SEC24D: variants seen among roughly 807,000 people sequenced by gnomAD.
SEC24D encodes protein transport protein Sec24D.
A neutral mutation model predicts 116.9 loss-of-function variants in SEC24D; 69 were observed. That is an observed-to-expected ratio of 0.59 (90% confidence interval 0.49 to 0.72). The LOEUF is 0.72. Among genes scored for constraint, SEC24D ranks in the 30% least tolerant of loss-of-function variants. The pLI, the probability that SEC24D is intolerant of heterozygous loss-of-function variation, is 0.00. For synonymous variants in SEC24D, 405 were observed against 442.8 expected (o/e 0.91, Z 1.07); for missense variants, 1,131 against 1,264.1 (o/e 0.89, Z 1.60).
intron 9 of SEC24D, among the ~76,000 whole-genome samples, chr4:118,765,323 C>T (rs1441859215): frequency 1.3e-5 from 2 of 152,204 alleles, no homozygotes; most frequent in Admixed American, 6.5e-5. Context: ...CTATGAACTA[C>T]AATATTTATT....
intron 19 of SEC24D, 180 bp downstream of exon 19, chr4:118,738,081 G>A (rs1732011032): frequency 2.0e-6 from 1 of 511,868 alleles, no homozygotes. Flanking sequence ...ATTTTTAAAT[G>A]TTGGCTATAA....
chr4:118,739,221 A>G lies in SEC24D; in HGVS notation c.2305T>C (p.Cys769Arg), dbSNP rs758429975. The change falls in exon 18 of 23, where the codon TGC becomes CGC. Residue 769 changes from cysteine to arginine, a missense_variant. Coordinates refer to ENST00000280551, the MANE Select transcript of SEC24D (RefSeq NM_014822.4). ...TAAAGATCAGCTAGCTGAGAGCTGCAGTTTAAGCCAAGATTGTGAATCCGA... is the reference window on the plus strand; with the variant it reads ...TAAAGATCAGCTAGCTGAGAGCTGCGGTTTAAGCCAAGATTGTGAATCCGA... ...RLRIHNLGLN[C>R]SSQLADLYKS... is the part of the protein sequence containing the mutation. The G allele has an allele frequency of 1.3e-5, 21 of 1,613,494 alleles. No homozygotes were observed. Among genetic ancestry groups the G allele is most frequent in the Non-Finnish European group, 1.6e-5 (19 of 1,179,574 alleles).
At position 118,744,957 on chromosome 4, in the gene SEC24D, G is replaced by A. The variant is rs200495446; in HGVS notation, c.1811C>T (p.Thr604Ile). Residue 604 changes from threonine (T) to isoleucine (I), a missense_variant, in exon 14 of 23, where the codon ACA becomes ATA. By Grantham distance (89) the Thr-to-Ile change is moderately conservative (BLOSUM62 -1). Coordinates refer to ENST00000280551, the MANE Select transcript of SEC24D (RefSeq NM_014822.4). ...KNRDDKKLVN[T>I]DKEKILFQPQ... is the part of the protein sequence containing the mutation. ...GTTACAAAGTACCTTCTCTTTGTCT[G>A]TATTAACCAGTTTTTTGTCATCTCT... 8 of 1,592,042 alleles carry A rather than the reference G, an allele frequency of 5.0e-6. No individual in the cohort carries two copies. The Admixed American group carries it at 6.7e-5, about 13-fold the overall frequency.
chr4:118,809,641 C>T (rs1471720809), intron 6 of SEC24D, among the ~76,000 whole-genome samples: 1 of 151,922 alleles, frequency 6.6e-6, no homozygotes, highest in East Asian at 1.9e-4. Context: ...CTCCTTCTTG[C>T]TTTTGTTGCC....
chr4:118,742,059 C>A (rs933820551), intron 15 of SEC24D, among the ~76,000 whole-genome samples: 1 of 152,006 alleles, frequency 6.6e-6, no homozygotes, highest in African/African-American at 2.4e-5. Flanking sequence ...TATAACATTT[C>A]TTTTTTAGTA....
chr4:118,760,824 C>G (rs907289861), intron 10 of SEC24D, among the ~76,000 whole-genome samples: 10 of 152,072 alleles, frequency 6.6e-5, no homozygotes, highest in South Asian at 2.1e-4. Flanking sequence ...TCTCCTGCCT[C>G]AGCATCCCAA....
Position 118,806,082 on chromosome 4 carries a change from T to C in SEC24D, c.802-128A>G. 6 of 635,842 alleles carry C rather than the reference T, an allele frequency of 9.4e-6. No individual in the cohort carries two copies. The East Asian group carries it at 1.8e-4, about 19-fold the overall frequency. The allele number at this position is 635,842 out of a possible 1,614,324, so 39.4% of individuals were successfully genotyped here. A position where few individuals can be genotyped will look rare whatever the true frequency, so the allele number is the denominator to read the frequency against. Reference sequence around the variant, plus strand: ...TTCTCAATATTCACACACACAGAGATGCACACACAGTCTCACACACTCACA... The same window carrying C: ...TTCTCAATATTCACACACACAGAGACGCACACACAGTCTCACACACTCACA... On this transcript the variant is annotated intron_variant, in intron 6 of 22. Coordinates refer to ENST00000280551, the MANE Select transcript of SEC24D (RefSeq NM_014822.4).
intron 7 of SEC24D, among the ~76,000 whole-genome samples, chr4:118,802,574 G>A (rs936624298): frequency 2.6e-5 from 4 of 152,190 alleles, no homozygotes; most frequent in African/African-American, 9.7e-5. Context: ...CAACTTTGGG[G>A]CTCCATACCA....
At position 118,739,174 on chromosome 4, in the gene SEC24D, A is replaced by C. The variant is rs773904176; in HGVS notation, c.2352T>G (p.Ala784=). Reference sequence around the variant, plus strand: ...CTGACTTGGCAAAGAAGTTGATAAGAGCATCTGTCTCACAGCTCTTATAAA... The same window carrying C: ...CTGACTTGGCAAAGAAGTTGATAAGCGCATCTGTCTCACAGCTCTTATAAA... ...ADLYKSCETD[A]LINFFAKSAF... The change falls in exon 18 of 23, where the codon GCT becomes GCG. Residue 784 remains alanine, a synonymous_variant. Coordinates refer to ENST00000280551, the MANE Select transcript of SEC24D (RefSeq NM_014822.4). 2 of 1,613,628 alleles carry C rather than the reference A, an allele frequency of 1.2e-6. No homozygotes were observed. The highest frequency in any genetic ancestry group is 1.7e-6 in the Non-Finnish European group (2 of 1,179,648).
intron 8 of SEC24D, among the ~76,000 whole-genome samples, chr4:118,792,926 T>C (rs1728996751): frequency 6.6e-6 from 1 of 152,208 alleles, no homozygotes; most frequent in Admixed American, 6.5e-5. Flanking sequence ...AAACATAATT[T>C]TGCTTTTTAT....
At chr4:118,829,660 A>G (rs1352775430) in intron 2 of SEC24D, among the ~76,000 whole-genome samples, 1 of 152,134 alleles carries the variant, frequency 6.6e-6, no homozygotes, top group African/African-American at 2.4e-5. Flanking sequence ...TAAAAATACA[A>G]AATTAGCCGG....
At chr4:118,799,836 T>G (rs1729348915) in intron 7 of SEC24D, among the ~76,000 whole-genome samples, 1 of 152,138 alleles carries the variant, frequency 6.6e-6, no homozygotes, top group Non-Finnish European at 1.5e-5. Flanking sequence ...GAATTGGCAA[T>G]AGTCCTTTTA....
intron 14 of SEC24D, 126 bp from the exon 15 acceptor site, chr4:118,744,284 T>C (rs529366550): frequency 2.1e-6 from 2 of 955,822 alleles, no homozygotes; most frequent in South Asian, 3.7e-5. Context: ...TCCCGTTAAG[T>C]GAACTGGGCT....
intron 3 of SEC24D, among the ~76,000 whole-genome samples, chr4:118,823,853 A>G (rs1309662678): frequency 6.6e-6 from 1 of 152,146 alleles, no homozygotes; most frequent in Non-Finnish European, 1.5e-5. Flanking sequence ...CCTCACTGGC[A>G]TCTGTGTGCC....
At chr4:118,725,000 C>G (rs1482592964) in intron 22 of SEC24D, among the ~76,000 whole-genome samples, 6 of 152,214 alleles carry the variant, frequency 3.9e-5, no homozygotes, top group Non-Finnish European at 7.3e-5. Context: ...CAGGGCCCTC[C>G]CTACTTTTGC....
rs763756340 is a variant in SEC24D at position 118,833,601 on chromosome 4, C to T, written c.96G>A (p.Pro32=). 2.4e-5 allele frequency: 39 copies of T among 1,613,056 alleles called. 1 individual carries two copies. The highest frequency in any genetic ancestry group is 5.3e-5 in the African/African-American group (4 of 74,898). The change falls in exon 2 of 23, where the codon CCG becomes CCA. Residue 32 remains proline (P), a synonymous_variant. Coordinates refer to ENST00000280551, the MANE Select transcript of SEC24D (RefSeq NM_014822.4). ...SPPHYGHYGD[P]SHTASPTGMM... ...TACCTGTTGGAGATGCTGTGTGCGA[C>T]GGATCCCCATAGTGCCCATAATGAG... is the stretch of plus-strand genomic sequence containing the variant.
chr4:118,768,705 T>A (rs2110473763), intron 8 of SEC24D, among the ~76,000 whole-genome samples: 1 of 151,716 alleles, frequency 6.6e-6, no homozygotes, highest in African/African-American at 2.4e-5. Flanking sequence ...TAGTGGCAAT[T>A]TTTAAGGAAC....
intron 2 of SEC24D, among the ~76,000 whole-genome samples, chr4:118,832,001 G>A (rs772875799): frequency 3.0e-4 from 46 of 152,174 alleles, no homozygotes; most frequent in East Asian, 1.7e-3. Flanking sequence ...TCAGGAGTTC[G>A]AGACCAACCT....
intron 3 of SEC24D, among the ~76,000 whole-genome samples, chr4:118,821,793 T>C (rs187293309): frequency 5.3e-5 from 8 of 152,350 alleles, no homozygotes; most frequent in Admixed American, 4.6e-4. Context: ...ACTTTACCCT[T>C]GCATTGCGCT....
Sources: allele counts gnomAD v4.1 joint callset (sites outside exome capture counted in the v4.1 genomes callset), GRCh38; gene constraint gnomAD v4.1.1; transcripts MANE v1.5; gene names NCBI Gene and HGNC (gene_info 2026-07-23, HGNC 2026-07-21).